The following CFAP96 variants were observed in gnomAD, a reference collection of about 807,000 sequenced individuals.
The protein encoded by CFAP96 is cilia and flagella associated protein 96.
At chr4:185,448,231 G>C in the CFAP96 span, among the ~76,000 whole-genome samples, 1 of 152,110 alleles carries the variant, frequency 6.6e-6, no homozygotes, top group South Asian at 2.1e-4. Context: ...GTGTTGGTCA[G>C]GCTGGTCTCG....
the CFAP96 span, among the ~76,000 whole-genome samples, chr4:185,413,240 T>C: frequency 1.4e-3 from 211 of 151,958 alleles, 1 homozygote; most frequent in African/African-American, 4.9e-3. Flanking sequence ...ATACAAAAAT[T>C]AGCCAGGTGT....
chr4:185,443,338 A>ATTTTTT, the CFAP96 span, among the ~76,000 whole-genome samples: 10 of 32,110 alleles, frequency 3.1e-4, no homozygotes, highest in African/African-American at 9.4e-4. Flanking sequence ...ATATATATAT[A>ATTTTTT]TATATTTTTT....
chr4:185,431,509 T>C, the CFAP96 span, among the ~76,000 whole-genome samples: 1 of 152,246 alleles, frequency 6.6e-6, no homozygotes, highest in East Asian at 1.9e-4. Context: ...CTATGAACAT[T>C]CTTGTTAATG....
At chr4:185,422,234 CAATT>C in the CFAP96 span, among the ~76,000 whole-genome samples, 5 of 152,206 alleles carry the variant, frequency 3.3e-5, no homozygotes, top group East Asian at 1.9e-4. Context: ...TTTATTGTAA[CAATT>C]AATGAAGAGG....
At chr4:185,414,592 C>T in the CFAP96 span, among the ~76,000 whole-genome samples, 2 of 152,128 alleles carry the variant, frequency 1.3e-5, no homozygotes, top group African/African-American at 4.8e-5. Flanking sequence ...GCTCCACGGT[C>T]TAATTTGATA....
At chr4:185,443,333 TATATATA>T in the CFAP96 span, among the ~76,000 whole-genome samples, 7 of 35,122 alleles carry the variant, frequency 2.0e-4, no homozygotes, top group East Asian at 1.6e-3. Context: ...TATATATATA[TATATATA>T]TATTTTTTTT....
chr4:185,431,616 GCACACACTCTCACTGACATCT>G, the CFAP96 span, among the ~76,000 whole-genome samples: 1 of 152,122 alleles, frequency 6.6e-6, no homozygotes, highest in Non-Finnish European at 1.5e-5. Context: ...TTCGACCTGC[GCACACACTCTCACTGACATCT>G]CACACATGAC....
the CFAP96 span, among the ~76,000 whole-genome samples, chr4:185,422,201 C>G: frequency 6.6e-6 from 1 of 152,204 alleles, no homozygotes; most frequent in Non-Finnish European, 1.5e-5. Context: ...ACATTTACAA[C>G]GTGCTCATTG....
chr4:185,445,161 T>A, the CFAP96 span: 7 of 1,515,968 alleles, frequency 4.6e-6, no homozygotes, highest in Admixed American at 4.4e-5. Context: ...GCTTACAAAC[T>A]AAGAAAAAAT....
At chr4:185,425,824 C>T in the CFAP96 span, 1 of 1,595,928 alleles carries the variant, frequency 6.3e-7, no homozygotes, top group South Asian at 1.1e-5. Flanking sequence ...TGCCAAAGTC[C>T]GGGGAAAAAC....
At chr4:185,435,278 T>C in the CFAP96 span, among the ~76,000 whole-genome samples, 2 of 152,210 alleles carry the variant, frequency 1.3e-5, no homozygotes, top group African/African-American at 4.8e-5. Context: ...CAATCGGTGT[T>C]GATGTCTTTC....
the CFAP96 span, chr4:185,425,747 C>T: frequency 6.9e-7 from 1 of 1,447,658 alleles, no homozygotes; most frequent in Admixed American, 2.0e-5. Flanking sequence ...ACGCAGCTCG[C>T]AGCTGCCATC....
At chr4:185,430,895 C>CA in the CFAP96 span, among the ~76,000 whole-genome samples, 839 of 127,154 alleles carry the variant, frequency 6.6e-3, 10 homozygotes, top group African/African-American at 0.021. Context: ...GAGACCTTGT[C>CA]AAAAAAAAAA....
the CFAP96 span, among the ~76,000 whole-genome samples, chr4:185,424,058 T>G: frequency 6.6e-6 from 1 of 151,292 alleles, no homozygotes; most frequent in African/African-American, 2.4e-5. Context: ...CCCAACACTT[T>G]GGGAGGCAGA....
At chr4:185,432,859 T>TC in the CFAP96 span, among the ~76,000 whole-genome samples, 1 of 40,426 alleles carries the variant, frequency 2.5e-5, no homozygotes, top group Non-Finnish European at 7.4e-5. Context: ...CAAGATCTTG[T>TC]CTAAAAAAAA....
the CFAP96 span, among the ~76,000 whole-genome samples, chr4:185,442,427 T>A: frequency 6.6e-6 from 1 of 152,104 alleles, no homozygotes; most frequent in Non-Finnish European, 1.5e-5. Context: ...TTCTGGTCAA[T>A]AAGTATTTTT....
chr4:185,444,561 C>A, the CFAP96 span, among the ~76,000 whole-genome samples: 1 of 47,320 alleles, frequency 2.1e-5, no homozygotes, highest in Non-Finnish European at 6.1e-5. Flanking sequence ...AGTATCTTCT[C>A]CATCATTGAC....
chr4:185,414,814 C>G, the CFAP96 span, among the ~76,000 whole-genome samples: 40 of 152,094 alleles, frequency 2.6e-4, no homozygotes, highest in Non-Finnish European at 5.0e-4. Flanking sequence ...TTTCACAAAT[C>G]GGAAAGTTAT....
chr4:185,422,445 A>G, the CFAP96 span: 6 of 1,432,318 alleles, frequency 4.2e-6, no homozygotes, highest in Non-Finnish European at 5.8e-6. Flanking sequence ...ATATTTCACT[A>G]TCAATTTTCT....
Sources: allele counts gnomAD v4.1 joint callset (sites outside exome capture counted in the v4.1 genomes callset), GRCh38; gene constraint gnomAD v4.1.1; transcripts MANE v1.5; gene names NCBI Gene and HGNC (gene_info 2026-07-23, HGNC 2026-07-21).